DCTD: variants seen among roughly 807,000 people sequenced by gnomAD.
DCTD encodes the protein deoxycytidylate deaminase.
A neutral mutation model predicts 21.0 loss-of-function variants in DCTD; 23 were observed. The ratio of observed to expected loss-of-function variants is 1.09; its 90% CI spans 0.79 to 1.55. DCTD has a LOEUF of 1.55. DCTD is among the 40% of genes most tolerant of loss of function. The pLI, the probability that DCTD is intolerant of heterozygous loss-of-function variation, is 0.00. For synonymous variants in DCTD, 71 were observed against 81.1 expected (o/e 0.88, Z 0.67); for missense variants, 224 against 230.0 (o/e 0.97, Z 0.17).
At chr4:182,893,507 T>A (rs760160409) in intron 4 of DCTD, among the ~76,000 whole-genome samples, 1 of 152,198 alleles carries the variant, frequency 6.6e-6, no homozygotes, top group Non-Finnish European at 1.5e-5. Context: ...AATTCAGAGG[T>A]GGGCACCACT....
chr4:182,917,288 C>G lies in DCTD; in HGVS notation c.-8+23G>C. On this transcript the variant is annotated intron_variant, in intron 1 of 5. Coordinates refer to ENST00000438320, the MANE Select transcript of DCTD (RefSeq NM_001921.3). This position sits in a 1 kb window ranked among gnomAD's most constrained non-coding sequence, Gnocchi z 4.9. ...GGCTAGGGGCGCGCGGGCCGCGTACCCGCACGGCTGGCCCCCGCCCACCAT... is the reference window on the plus strand; with the variant it reads ...GGCTAGGGGCGCGCGGGCCGCGTACGCGCACGGCTGGCCCCCGCCCACCAT... 1 of 1,056,462 alleles carries G rather than the reference C, an allele frequency of 9.5e-7. No homozygotes were observed. Among genetic ancestry groups the G allele is most frequent in the South Asian group, 4.4e-5 (1 of 22,740 alleles). 65.4% of individuals were successfully genotyped at this position (1,056,462 alleles called of 1,614,324 possible). A position where few individuals can be genotyped will look rare whatever the true frequency, so the allele number is the denominator to read the frequency against.
In DCTD at chr4:182,911,429, C is replaced by T. The variant is rs1334625350; in HGVS notation, c.244+3494G>A. The T allele has an allele frequency of 3.3e-5, 5 of 152,202 alleles. No individual in the cohort carries two copies. The East Asian group carries it at 5.8e-4, about 18-fold the overall frequency. The allele number at this position is 152,202 out of a possible 1,614,324, so 9.4% of individuals were successfully genotyped here. ...ACGCATGTGGCTTTCTGCATGATGC[C>T]GGACACAGGCCACCCCTCCCCGAGC... On this transcript the variant is annotated intron_variant, in intron 3 of 5. Transcript: ENST00000438320.
Position 182,915,580 on chromosome 4 carries a change from A to G in DCTD, c.-7-5T>C. On this transcript the variant is annotated splice_polypyrimidine_tract_variant and splice_region_variant and intron_variant, in intron 1 of 5. Coordinates refer to ENST00000438320, the MANE Select transcript of DCTD (RefSeq NM_001921.3). ...GAAACTTCACTCATGTTGGGTCTAGAAGAAAAACATGACAAAACAGAAGTT... is the reference window on the plus strand; with the variant it reads ...GAAACTTCACTCATGTTGGGTCTAGGAGAAAAACATGACAAAACAGAAGTT... The G allele has an allele frequency of 3.8e-6, 6 of 1,572,970 alleles. No homozygotes were observed. The highest frequency in any genetic ancestry group is 5.3e-6 in the Non-Finnish European group (6 of 1,142,466).
intron 3 of DCTD, among the ~76,000 whole-genome samples, chr4:182,908,450 G>A (rs1378536442): frequency 6.6e-6 from 1 of 152,146 alleles, no homozygotes; most frequent in Non-Finnish European, 1.5e-5. Flanking sequence ...GGGAGGCTGA[G>A]GCGGGTGGAT....
At chr4:182,902,099 T>C (rs929288531) in intron 3 of DCTD, among the ~76,000 whole-genome samples, 6 of 152,208 alleles carry the variant, frequency 3.9e-5, no homozygotes, top group Non-Finnish European at 8.8e-5. Context: ...TTCTTAATTA[T>C]TGAAAGATAT....
At chr4:182,894,839 A>G (rs1561318318) in intron 3 of DCTD, among the ~76,000 whole-genome samples, 1 of 152,264 alleles carries the variant, frequency 6.6e-6, no homozygotes, top group Non-Finnish European at 1.5e-5. Context: ...GCCGAGGTCA[A>G]GTGCCTTCCC....
rs933578927 is a variant in DCTD at position 182,907,390 on chromosome 4, G to A, written c.244+7533C>T. Among the ~76,000 whole-genome samples the A allele has an allele frequency of 3.9e-5, 6 of 152,218 alleles. No homozygotes were observed. In the South Asian group the frequency reaches 6.2e-4, roughly 16 times the overall value. On this transcript the variant is annotated intron_variant, in intron 3 of 5. Coordinates refer to ENST00000438320, the MANE Select transcript of DCTD (RefSeq NM_001921.3). ...TGAACTCGAACGATCCACCTGCCTCGGCTTCCCAACGTGCTGGGATTACAG... is the reference window on the plus strand; with the variant it reads ...TGAACTCGAACGATCCACCTGCCTCAGCTTCCCAACGTGCTGGGATTACAG...
intron 3 of DCTD, among the ~76,000 whole-genome samples, chr4:182,910,283 T>C (rs1257330419): frequency 1.3e-5 from 2 of 152,206 alleles, no homozygotes; most frequent in African/African-American, 4.8e-5. Context: ...TGGCAAGCAT[T>C]ACTAAAAATT....
At chr4:182,894,389 G>T in intron 4 of DCTD, 100 bp downstream of exon 4, 1 of 724,382 alleles carries the variant, frequency 1.4e-6, no homozygotes, top group Non-Finnish European at 2.4e-6. Flanking sequence ...AATTAATTTA[G>T]ATCTAAACAA....
At chr4:182,906,521 C>T (rs572746135) in intron 3 of DCTD, among the ~76,000 whole-genome samples, 9 of 152,126 alleles carry the variant, frequency 5.9e-5, no homozygotes, top group African/African-American at 1.7e-4. Context: ...AAAACTCCAA[C>T]GCATTATAAA....
chr4:182,898,403 A>G (rs1004707870), intron 3 of DCTD, among the ~76,000 whole-genome samples: 8 of 152,274 alleles, frequency 5.3e-5, no homozygotes, highest in Non-Finnish European at 7.3e-5. Context: ...TGTAATTTGC[A>G]GGAGTGACAG....
At chr4:182,906,967 A>G (rs981440783) in intron 3 of DCTD, among the ~76,000 whole-genome samples, 1 of 152,210 alleles carries the variant, frequency 6.6e-6, no homozygotes. Context: ...GGGATTTCCC[A>G]ATGTCAAGCA....
In DCTD at chr4:182,894,524, G is replaced by C. The variant is rs907672867; in HGVS notation, c.326C>G (p.Pro109Arg). ...GATGAGCTTAGCGCATTCATTACAA[G>C]GGAACAAGGCAACATACATACTACA... ...KGCSMYVALFPCNECAKLIIQ... is the reference protein window; with the variant it reads ...KGCSMYVALFRCNECAKLIIQ... The change falls in exon 4 of 6, where the codon CCT (proline) becomes CGT (arginine). Residue 109 changes from proline to arginine, a missense_variant. By Grantham distance (103) the Pro-to-Arg change is moderately radical. Transcript: ENST00000438320. The C allele has an allele frequency of 1.9e-6, 3 of 1,613,898 alleles. No individual in the cohort carries two copies. Among genetic ancestry groups the C allele is most frequent in the Non-Finnish European group, 2.5e-6 (3 of 1,179,764 alleles).
chr4:182,899,399 C>T (rs1216860004), intron 3 of DCTD, among the ~76,000 whole-genome samples: 15 of 144,302 alleles, frequency 1.0e-4, no homozygotes, highest in Non-Finnish European at 1.5e-4. Context: ...CCTTTTTTTT[C>T]TTTTTCTTTT....
chr4:182,909,325 T>C (rs1056708885), intron 3 of DCTD, among the ~76,000 whole-genome samples: 12 of 152,194 alleles, frequency 7.9e-5, no homozygotes, highest in African/African-American at 2.7e-4. Context: ...TGTCCCTCTG[T>C]TTATCTGAAA....
intron 3 of DCTD, among the ~76,000 whole-genome samples, chr4:182,902,322 T>C (rs1247732493): frequency 7.2e-5 from 11 of 152,216 alleles, no homozygotes; most frequent in Non-Finnish European, 2.9e-5. Context: ...CACCTCTCTA[T>C]CTTATCTCTC....
intron 3 of DCTD, among the ~76,000 whole-genome samples, chr4:182,894,896 A>G (rs1734465069): frequency 6.6e-6 from 1 of 152,232 alleles, no homozygotes; most frequent in African/African-American, 2.4e-5. Flanking sequence ...ACCCTGGGGC[A>G]TGAAAGTGCC....
chr4:182,907,245 C>A (rs543951425), intron 3 of DCTD, among the ~76,000 whole-genome samples: 1 of 152,186 alleles, frequency 6.6e-6, no homozygotes, highest in African/African-American at 2.4e-5. Context: ...AAGCAATCCT[C>A]CCACCTCAGC....
chr4:182,913,952 G>T (rs1738195285), intron 3 of DCTD, among the ~76,000 whole-genome samples: 1 of 152,110 alleles, frequency 6.6e-6, no homozygotes, highest in African/African-American at 2.4e-5. Flanking sequence ...AAGGTTTACA[G>T]TTCTACACTT....
Sources: allele counts gnomAD v4.1 joint callset (sites outside exome capture counted in the v4.1 genomes callset), GRCh38; gene constraint gnomAD v4.1.1; non-coding constraint Gnocchi (gnomAD v3.1); transcripts MANE v1.5; gene names NCBI Gene and HGNC (gene_info 2026-07-23, HGNC 2026-07-21).